The following GALNT10 variants were observed in gnomAD, a reference collection of about 807,000 sequenced individuals.
GALNT10 encodes the protein GalNAc transferase 10.
In GALNT10, 41 loss-of-function variants were observed where a neutral mutation model predicts 75.0. The observed-to-expected ratio is 0.55, with a 90% CI of 0.43 to 0.71. The LOEUF (loss-of-function observed/expected upper bound fraction) is 0.71, where lower values mean the gene tolerates loss of function less well. Among genes scored for constraint, GALNT10 ranks in the 30% least tolerant of loss-of-function variants. The probability of loss-of-function intolerance (pLI) is 0.00; values close to 1 mark genes in which losing one functional copy is unlikely to be tolerated. For synonymous variants in GALNT10, 302 were observed against 313.0 expected, an observed-to-expected ratio of 0.96 and a Z score of 0.37; for missense variants, 727 against 818.5, an observed-to-expected ratio of 0.89 and a Z score of 1.36.
intron 4 of GALNT10, 62 bp downstream of exon 4, chr5:154,329,800 A>G (rs1029821760): frequency 8.0e-7 from 1 of 1,249,944 alleles, no homozygotes; most frequent in Non-Finnish European, 1.2e-6. Flanking sequence ...CACCAAAGGG[A>G]TGGCAGGTTT....
intron 5 of GALNT10, among the ~76,000 whole-genome samples, chr5:154,378,774 C>T (rs1003894087): frequency 6.6e-6 from 1 of 152,198 alleles, no homozygotes; most frequent in Non-Finnish European, 1.5e-5. Context: ...GGCACAGTGC[C>T]TTAGAACACT....
Position 154,409,860 on chromosome 5 carries a change from G to A in GALNT10, c.1386+98G>A. The A allele has an allele frequency of 1.3e-6, 1 of 791,604 alleles. No homozygotes were observed. The highest frequency in any genetic ancestry group is 2.2e-6 in the Non-Finnish European group (1 of 458,950). The allele number at this position is 791,604 out of a possible 1,614,324, so 49.0% of individuals were successfully genotyped here. The stretch of plus-strand genomic sequence containing the variant: ...AAAGGTAGAAAGTCAGTGCAGGGAG[G>A]AAAGGCGTGAATATAAAATCGTTTC... On this transcript the variant is annotated intron_variant, in intron 9 of 11. Coordinates refer to ENST00000297107, the MANE Select transcript of GALNT10 (RefSeq NM_198321.4). This position sits in a 1 kb window ranked among gnomAD's most constrained non-coding sequence, Gnocchi z 4.5.
chr5:154,258,366 G>A (rs371279979), intron 1 of GALNT10, among the ~76,000 whole-genome samples: 6 of 152,168 alleles, frequency 3.9e-5, no homozygotes, highest in African/African-American at 9.7e-5. Flanking sequence ...GGGCATTGCC[G>A]GGGAAACCAG....
At chr5:154,378,997 T>A (rs542436415) in intron 5 of GALNT10, among the ~76,000 whole-genome samples, 1 of 139,494 alleles carries the variant, frequency 7.2e-6, no homozygotes, top group South Asian at 2.6e-4. Flanking sequence ...CAAATCCAAG[T>A]CAACCTCCAG....
At chr5:154,323,864 G>A (rs1328240235) in intron 3 of GALNT10, among the ~76,000 whole-genome samples, 3 of 152,222 alleles carry the variant, frequency 2.0e-5, no homozygotes, top group Admixed American at 2.0e-4. Flanking sequence ...ACAGGGGCAG[G>A]GCTGTGTTAC....
At chr5:154,240,856 G>A (rs1038736652) in intron 1 of GALNT10, among the ~76,000 whole-genome samples, 3 of 152,178 alleles carry the variant, frequency 2.0e-5, no homozygotes, top group Non-Finnish European at 2.9e-5. Flanking sequence ...GACGCTTCCT[G>A]GCTGTGTGAC....
chr5:154,284,155 C>T (rs1754080900), intron 1 of GALNT10, among the ~76,000 whole-genome samples: 1 of 152,214 alleles, frequency 6.6e-6, no homozygotes, highest in African/African-American at 2.4e-5. Context: ...GCTATACTTG[C>T]TGCATCTCAT....
At chr5:154,358,756 C>T (rs1359876863) in intron 4 of GALNT10, among the ~76,000 whole-genome samples, 3 of 152,148 alleles carry the variant, frequency 2.0e-5, no homozygotes, top group African/African-American at 7.2e-5. Flanking sequence ...CCCCATTCAA[C>T]AGACACGACG....
At chr5:154,262,872 C>T (rs371754780) in intron 1 of GALNT10, among the ~76,000 whole-genome samples, 18 of 152,110 alleles carry the variant, frequency 1.2e-4, no homozygotes, top group African/African-American at 4.1e-4. Flanking sequence ...CAAAAGAAGA[C>T]TGGTGAATTG....
intron 1 of GALNT10, among the ~76,000 whole-genome samples, chr5:154,192,770 T>C (rs1267369644): frequency 6.6e-6 from 1 of 152,102 alleles, no homozygotes; most frequent in Non-Finnish European, 1.5e-5. Flanking sequence ...TAGTGCAAAC[T>C]CTCCTTTAGA....
intron 1 of GALNT10, among the ~76,000 whole-genome samples, chr5:154,194,167 G>A (rs960404864): frequency 6.6e-6 from 1 of 152,204 alleles, no homozygotes; most frequent in African/African-American, 2.4e-5. Flanking sequence ...GACTTCACTG[G>A]ATAAATAGCA....
chr5:154,376,198 A>C lies in GALNT10; in HGVS notation c.569-79A>C, dbSNP rs1755649465. On this transcript the variant is annotated intron_variant, in intron 4 of 11. Transcript: ENST00000297107. This position sits in a 1 kb window ranked among gnomAD's most constrained non-coding sequence, Gnocchi z 4.1. Reference sequence around the variant, plus strand: ...AAGCTGTGTCTAGACTGTGAAGTGCAGTTCACATGTAAGGGAGGAGTCATA... The same window carrying C: ...AAGCTGTGTCTAGACTGTGAAGTGCCGTTCACATGTAAGGGAGGAGTCATA... 3 of 877,144 alleles carry C rather than the reference A, an allele frequency of 3.4e-6. No individual in the cohort carries two copies. Among genetic ancestry groups the C allele is most frequent in the Non-Finnish European group, 5.7e-6 (3 of 530,426 alleles). 54.3% of individuals were successfully genotyped at this position (877,144 alleles called of 1,614,324 possible). A position where few individuals can be genotyped will look rare whatever the true frequency, so the allele number is the denominator to read the frequency against.
intron 3 of GALNT10, among the ~76,000 whole-genome samples, chr5:154,306,892 T>G (rs1334219664): frequency 6.6e-6 from 1 of 152,168 alleles, no homozygotes; most frequent in Non-Finnish European, 1.5e-5. Context: ...ATAACCTAAT[T>G]GATATTTATA....
intron 4 of GALNT10, among the ~76,000 whole-genome samples, chr5:154,368,810 C>T (rs1755518060): frequency 6.6e-6 from 1 of 152,142 alleles, no homozygotes; most frequent in Non-Finnish European, 1.5e-5. Context: ...TTTATATTTA[C>T]CTGTCTATAA....
At chr5:154,264,724 C>A in intron 1 of GALNT10, among the ~76,000 whole-genome samples, 2 of 152,154 alleles carry the variant, frequency 1.3e-5, no homozygotes, top group East Asian at 1.9e-4. Flanking sequence ...AGTCAAAGGG[C>A]TTTTGGCTGT....
At chr5:154,312,221 GC>G (rs1484595149) in intron 3 of GALNT10, among the ~76,000 whole-genome samples, 2 of 152,130 alleles carry the variant, frequency 1.3e-5, no homozygotes, top group Non-Finnish European at 2.9e-5. Flanking sequence ...GGTATCAAGG[GC>G]AGTGTGATGA....
chr5:154,272,001 A>T (rs1753872948), intron 1 of GALNT10, among the ~76,000 whole-genome samples: 1 of 152,214 alleles, frequency 6.6e-6, no homozygotes, highest in South Asian at 2.1e-4. Flanking sequence ...AATACAACTT[A>T]TAATTATGCT....
chr5:154,378,367 C>T (rs896225660), intron 5 of GALNT10, among the ~76,000 whole-genome samples: 4 of 150,614 alleles, frequency 2.7e-5, no homozygotes, highest in African/African-American at 9.8e-5. Flanking sequence ...ATAACCCCTT[C>T]ACTTTCTCAG....
intron 4 of GALNT10, among the ~76,000 whole-genome samples, chr5:154,355,268 C>A (rs1254992808): frequency 6.6e-6 from 1 of 152,240 alleles, no homozygotes; most frequent in Non-Finnish European, 1.5e-5. Context: ...CCTCTCTCAT[C>A]ATCACACATG....
Sources: allele counts gnomAD v4.1 joint callset (sites outside exome capture counted in the v4.1 genomes callset), GRCh38; gene constraint gnomAD v4.1.1; non-coding constraint Gnocchi (gnomAD v3.1); transcripts MANE v1.5; gene names NCBI Gene and HGNC (gene_info 2026-07-23, HGNC 2026-07-21).